Variants in ZFYVE28 observed in about 807,000 individuals in gnomAD.
The protein encoded by ZFYVE28 is zinc finger FYVE-type containing 28.
In ZFYVE28, 40 loss-of-function variants were observed where a neutral mutation model predicts 82.1. The ratio of observed to expected loss-of-function variants is 0.49; its 90% confidence interval spans 0.38 to 0.63. The LOEUF is 0.63. Among genes scored for constraint, ZFYVE28 ranks in the 30% least tolerant of loss-of-function variants. ZFYVE28 has a pLI of 0.00. For missense variants in ZFYVE28, 1,321 were observed against 1,242.1 expected, an observed-to-expected ratio of 1.06 and a Z score of -0.96; for synonymous variants, 612 against 546.1, an observed-to-expected ratio of 1.12 and a Z score of -1.68.
chr4:2,324,100 A>G (rs1397158509), intron 6 of ZFYVE28, among the ~76,000 whole-genome samples: 1 of 152,162 alleles, frequency 6.6e-6, no homozygotes, highest in Non-Finnish European at 1.5e-5. Flanking sequence ...CAAGAGAGCA[A>G]TATTTATTTT....
intron 5 of ZFYVE28, among the ~76,000 whole-genome samples, chr4:2,336,057 G>C (rs1052054395): frequency 6.6e-6 from 1 of 152,212 alleles, no homozygotes; most frequent in African/African-American, 2.4e-5. Context: ...TCTGCCCCAG[G>C]AGGCAGGGGC....
intron 8 of ZFYVE28, among the ~76,000 whole-genome samples, chr4:2,276,788 G>T (rs1299405048): frequency 6.6e-6 from 1 of 152,024 alleles, no homozygotes; most frequent in Non-Finnish European, 1.5e-5. Context: ...GTAGAACGGT[G>T]GGCGCCAGGG....
chr4:2,303,318 G>T lies in ZFYVE28; in HGVS notation c.2051+971C>A, dbSNP rs1227045307. 2.0e-5 allele frequency among the ~76,000 whole-genome samples: 3 copies of T among 152,086 alleles called. No individual in the cohort carries two copies. In the East Asian group the frequency reaches 5.8e-4, roughly 29 times the overall value. The stretch of plus-strand genomic sequence containing the variant: ...CAAGAACCCCCTTCCCCAGTGTGAG[G>T]ACCCTCTCCTGGGCCTGCCTGCCAT... On this transcript the variant is annotated intron_variant, in intron 8 of 12. Transcript: ENST00000290974.
rs556690024 is a variant in ZFYVE28, at chr4:2,339,031, C to G, written c.521+422G>C. 2.0e-5 allele frequency among the ~76,000 whole-genome samples: 3 copies of G among 152,258 alleles called. No homozygotes were observed. The South Asian group carries it at 6.2e-4, about 32-fold the overall frequency. On this transcript the variant is annotated intron_variant, in intron 4 of 12. Transcript: ENST00000290974. The surrounding 1 kb of genome is among the most constrained non-coding windows in gnomAD (Gnocchi z 5.0). ...GTGTCACCGTGTTAGCCAGGATGGT[C>G]TCGATCTTCTGACCTCATGATCCGC...
chr4:2,270,899 CCCACCCACCCT>C, intron 12 of ZFYVE28, 43 bp from the exon 13 acceptor site: 1 of 1,598,902 alleles, frequency 6.3e-7, no homozygotes, highest in Non-Finnish European at 8.5e-7. Context: ...GCAGACCAGC[CCCACCCACCCT>C]GGCTCCTCGC....
intron 8 of ZFYVE28, among the ~76,000 whole-genome samples, chr4:2,301,662 C>A (rs1366418963): frequency 2.6e-5 from 4 of 152,014 alleles, no homozygotes; most frequent in Non-Finnish European, 5.9e-5. Context: ...CTGGACAACC[C>A]CCCACCACCC....
intron 1 of ZFYVE28, among the ~76,000 whole-genome samples, chr4:2,377,763 T>C (rs991755157): frequency 6.6e-6 from 1 of 152,262 alleles, no homozygotes; most frequent in Non-Finnish European, 1.5e-5. Flanking sequence ...TTTACCACAA[T>C]ACATCTCAGT....
rs1204813523 is a variant in ZFYVE28, at chr4:2,339,800, G to A, written c.319-145C>T. 1.1e-5 allele frequency: 8 copies of A among 726,994 alleles called. No individual in the cohort carries two copies. The East Asian group carries it at 2.2e-4, about 20-fold the overall frequency. The allele number at this position is 726,994 out of a possible 1,614,324, so 45.0% of individuals were successfully genotyped here. A position where few individuals can be genotyped will look rare whatever the true frequency, so the allele number is the denominator to read the frequency against. ...CAGCTCGTGTTCCCGGTCCCCGCAG[G>A]AGGTTTTTCTTACATTCAGAGCAAT... is the stretch of plus-strand genomic sequence containing the variant. On this transcript the variant is annotated intron_variant, in intron 3 of 12. Transcript: ENST00000290974. This position sits in a 1 kb window ranked among gnomAD's most constrained non-coding sequence, Gnocchi z 5.0.
At chr4:2,307,198 T>C (rs1716711752) in intron 7 of ZFYVE28, 1 of 152,254 alleles carries the variant, frequency 6.6e-6, no homozygotes, top group Non-Finnish European at 1.5e-5. Context: ...CCTTAGATTT[T>C]CTCTATGTAA....
intron 6 of ZFYVE28, among the ~76,000 whole-genome samples, chr4:2,323,252 G>T (rs1286403439): frequency 6.6e-6 from 1 of 152,190 alleles, no homozygotes; most frequent in South Asian, 2.1e-4. Flanking sequence ...TGGTGGGTGT[G>T]AAGTGGCATC....
chr4:2,358,026 C>T (rs1156237582), intron 1 of ZFYVE28, among the ~76,000 whole-genome samples: 1 of 152,202 alleles, frequency 6.6e-6, no homozygotes, highest in East Asian at 1.9e-4. Context: ...CCAGTCATCA[C>T]ACAAAGCCCC....
At chr4:2,414,183 C>T (rs969811150) in intron 1 of ZFYVE28, among the ~76,000 whole-genome samples, 7 of 152,258 alleles carry the variant, frequency 4.6e-5, no homozygotes, top group African/African-American at 1.4e-4. Flanking sequence ...GGCTGGAACC[C>T]CGAAAACCCT....
chr4:2,379,801 T>G (rs564232417), intron 1 of ZFYVE28, among the ~76,000 whole-genome samples: 1 of 152,354 alleles, frequency 6.6e-6, no homozygotes, highest in South Asian at 2.1e-4. Flanking sequence ...CACACTTTTT[T>G]TTTTGAGACA....
At chr4:2,333,512 A>C (rs766817948) in intron 6 of ZFYVE28, among the ~76,000 whole-genome samples, 4 of 151,976 alleles carry the variant, frequency 2.6e-5, no homozygotes, top group Admixed American at 2.6e-4. Context: ...AAAGTCCCGA[A>C]ACACAGTATG....
At chr4:2,364,349 T>G in intron 1 of ZFYVE28, 14 of 686,840 alleles carry the variant, frequency 2.0e-5, no homozygotes, top group East Asian at 1.4e-4. Context: ...GAACCACAGG[T>G]GTTGTGGGGC....
chr4:2,334,926 C>A (rs1484990621), intron 6 of ZFYVE28, among the ~76,000 whole-genome samples: 1 of 146,730 alleles, frequency 6.8e-6, no homozygotes, highest in African/African-American at 2.5e-5. Context: ...CCCCCGTGAC[C>A]ATCCGCCTGG....
chr4:2,296,540 T>C lies in ZFYVE28; in HGVS notation c.2051+7749A>G, dbSNP rs534253156. On this transcript the variant is annotated intron_variant, in intron 8 of 12. Transcript: ENST00000290974. ...CTCTATTTTTAAACCCCTCAATCAT[T>C]CTTGTTTTTCCTGCCAGGGGCATGA... Among the ~76,000 whole-genome samples, 11 of 152,084 alleles carry C rather than the reference T, an allele frequency of 7.2e-5. No individual in the cohort carries two copies. The South Asian group carries it at 2.3e-3, about 32-fold the overall frequency.
At chr4:2,319,329 G>A (rs1483965398) in intron 7 of ZFYVE28, among the ~76,000 whole-genome samples, 1 of 152,146 alleles carries the variant, frequency 6.6e-6, no homozygotes, top group Non-Finnish European at 1.5e-5. Flanking sequence ...AAGCACCCCT[G>A]CCCCTGAACC....
chr4:2,275,794 G>A (rs535084303), intron 8 of ZFYVE28, among the ~76,000 whole-genome samples: 25 of 152,358 alleles, frequency 1.6e-4, no homozygotes, highest in Admixed American at 1.4e-3. Context: ...CTCTGTTGCC[G>A]GCATACACTG....
Sources: gnomAD v4.1 joint callset for allele counts (sites outside exome capture counted in the v4.1 genomes callset) on GRCh38, gnomAD v4.1.1 for gene constraint, Gnocchi (gnomAD v3.1) non-coding constraint, MANE v1.5 for transcripts, NCBI Gene and HGNC (gene_info 2026-07-23, HGNC 2026-07-21) for gene names.